Variants in RABEP1 observed in about 807,000 individuals in gnomAD.
RABEP1 encodes rab GTPase-binding effector protein 1.
A neutral mutation model predicts 123.4 loss-of-function variants in RABEP1; 51 were observed. That is an observed-to-expected ratio of 0.41 (90% confidence interval 0.33 to 0.52). RABEP1 has a LOEUF of 0.52. Among genes scored for constraint, RABEP1 ranks in the 20% least tolerant of loss-of-function variants. RABEP1 has a pLI of 0.16. For missense variants in RABEP1, 888 were observed against 996.3 expected, an observed-to-expected ratio of 0.89 and a Z score of 1.46; for synonymous variants, 347 against 355.2, an observed-to-expected ratio of 0.98 and a Z score of 0.26.
intron 1 of RABEP1, among the ~76,000 whole-genome samples, chr17:5,302,441 A>G (rs956652695): frequency 1.3e-5 from 2 of 151,734 alleles, no homozygotes; most frequent in South Asian, 2.1e-4. Flanking sequence ...GGGTTTTGCC[A>G]TATTAGCCAG....
intron 2 of RABEP1, among the ~76,000 whole-genome samples, chr17:5,322,421 A>G (rs535301698): frequency 1.3e-5 from 2 of 152,166 alleles, no homozygotes; most frequent in African/African-American, 4.8e-5. Flanking sequence ...AAAGGGGTCA[A>G]TTCAGCAAGA....
intron 5 of RABEP1, among the ~76,000 whole-genome samples, chr17:5,342,183 G>A (rs921479049): frequency 1.3e-5 from 2 of 151,862 alleles, no homozygotes; most frequent in Non-Finnish European, 2.9e-5. Flanking sequence ...GAAGAATGCA[G>A]TGGTGGAAAA....
chr17:5,328,787 C>G (rs1906223862), intron 2 of RABEP1, among the ~76,000 whole-genome samples: 1 of 149,720 alleles, frequency 6.7e-6, no homozygotes, highest in African/African-American at 2.5e-5. Flanking sequence ...CCTGTCTCTA[C>G]TAAAACTACA....
chr17:5,285,887 G>T (rs1431981851), intron 1 of RABEP1, among the ~76,000 whole-genome samples: 1 of 151,948 alleles, frequency 6.6e-6, no homozygotes, highest in African/African-American at 2.4e-5. Flanking sequence ...CATGTACCAG[G>T]CATGATTTAT....
At chr17:5,357,102 TC>T (rs1909088747) in intron 8 of RABEP1, among the ~76,000 whole-genome samples, 2 of 152,084 alleles carry the variant, frequency 1.3e-5, no homozygotes, top group Admixed American at 6.6e-5. Context: ...GGTCTTGAAC[TC>T]CTGATCTCGT....
chr17:5,373,390 G>A lies in RABEP1; in HGVS notation c.1961G>A (p.Gly654Glu). 6.2e-7 allele frequency: 1 copy of A among 1,613,228 alleles called. No homozygotes were observed. Among genetic ancestry groups the A allele is most frequent in the African/African-American group, 1.3e-5 (1 of 74,766 alleles). ...CAGAAAGATAATGACAGTCTCCAGGGAAAGCACAGCCTGCATGTGTCATTA... is the reference window on the plus strand; with the variant it reads ...CAGAAAGATAATGACAGTCTCCAGGAAAAGCACAGCCTGCATGTGTCATTA... Reference protein sequence around the residue: ...RLQKDNDSLQGKHSLHVSLQQ... With the variant: ...RLQKDNDSLQEKHSLHVSLQQ... The change falls in exon 13 of 18, where the codon GGA becomes GAA. Residue 654 changes from glycine to glutamate, a missense_variant. Coordinates refer to ENST00000537505, the MANE Select transcript of RABEP1 (RefSeq NM_004703.6).
At chr17:5,332,483 G>A (rs560307252) in intron 3 of RABEP1, among the ~76,000 whole-genome samples, 2 of 152,132 alleles carry the variant, frequency 1.3e-5, no homozygotes, top group East Asian at 1.9e-4. Flanking sequence ...TATGGGCACA[G>A]GGAATGTGCT....
At chr17:5,374,013 GTATCTAGTAC>G (rs1910764909) in intron 13 of RABEP1, among the ~76,000 whole-genome samples, 1 of 152,060 alleles carries the variant, frequency 6.6e-6, no homozygotes. Context: ...GTTTGTTTTT[GTATCTAGTAC>G]TTGAAAAGTT....
chr17:5,361,437 T>C lies in RABEP1; in HGVS notation c.1325T>C (p.Leu442Pro), dbSNP rs1909524385. ...CTGGACGAGTCAGATTTTGGACCAC[T>C]GGTAGGAGCAGATTCAGTGTCTGAG... is the stretch of plus-strand genomic sequence containing the variant. The part of the protein sequence containing the change: ...GNLDESDFGP[L>P]VGADSVSENF... The change falls in exon 9 of 18, where the codon CTG (leucine) becomes CCG (proline). Residue 442 changes from leucine (L) to proline (P), a missense_variant. By Grantham distance (98) the Leu-to-Pro change is moderately conservative. Coordinates refer to ENST00000537505, the MANE Select transcript of RABEP1 (RefSeq NM_004703.6). The C allele has an allele frequency of 6.2e-7, 1 of 1,614,162 alleles. No homozygotes were observed. The highest frequency in any genetic ancestry group is 8.5e-7 in the Non-Finnish European group (1 of 1,180,012).
At chr17:5,322,251 G>A (rs1400084533) in intron 2 of RABEP1, among the ~76,000 whole-genome samples, 1 of 152,138 alleles carries the variant, frequency 6.6e-6, no homozygotes, top group East Asian at 1.9e-4. Context: ...CCAGCTACTT[G>A]GGAGGCTGAG....
intron 13 of RABEP1, among the ~76,000 whole-genome samples, chr17:5,374,868 T>C (rs1910859800): frequency 6.6e-6 from 1 of 152,158 alleles, no homozygotes; most frequent in Non-Finnish European, 1.5e-5. Flanking sequence ...GGTCTCCAAC[T>C]CCTGACCTCG....
chr17:5,373,684 C>T (rs1227817592), intron 13 of RABEP1, among the ~76,000 whole-genome samples: 1 of 126,942 alleles, frequency 7.9e-6, no homozygotes, highest in East Asian at 2.1e-4. Flanking sequence ...GACCCGACTA[C>T]ACCAGCTAAA....
rs573355327 is a variant in RABEP1, at chr17:5,294,740, T to C, written c.34+12220T>C. ...TCGGCTCACTGCAAGCTCTGCCTCC[T>C]GGGTTTGCGCCATTCTCTTGCCTCA... is the stretch of plus-strand genomic sequence containing the variant. On this transcript the variant is annotated intron_variant, in intron 1 of 17. Transcript: ENST00000537505. 3.1e-3 allele frequency among the ~76,000 whole-genome samples: 433 copies of C among 141,172 alleles called. 6 individuals carry two copies. Among genetic ancestry groups the C allele is most frequent in the Admixed American group, 0.028 (368 of 13,316 alleles). 92.6% of individuals were successfully genotyped at this position (141,172 alleles called of 152,430 possible). A position where few individuals can be genotyped will look rare whatever the true frequency, so the allele number is the denominator to read the frequency against.
intron 9 of RABEP1, among the ~76,000 whole-genome samples, chr17:5,362,673 CAT>C (rs1294572563): frequency 1.3e-5 from 2 of 152,188 alleles, no homozygotes; most frequent in Admixed American, 6.5e-5. Flanking sequence ...GTTTTCCTCA[CAT>C]GTGATGTTTT....
At chr17:5,370,224 A>G (rs1286296304) in intron 12 of RABEP1, among the ~76,000 whole-genome samples, 2 of 152,134 alleles carry the variant, frequency 1.3e-5, no homozygotes, top group Non-Finnish European at 2.9e-5. Flanking sequence ...GTTTGTAGGT[A>G]TATGATGTGT....
At chr17:5,292,329 C>G (rs913877699) in intron 1 of RABEP1, among the ~76,000 whole-genome samples, 1 of 151,818 alleles carries the variant, frequency 6.6e-6, no homozygotes, top group Non-Finnish European at 1.5e-5. Flanking sequence ...TATATATTGG[C>G]CATTTTTTTG....
At chr17:5,285,717 G>A (rs1404233615) in intron 1 of RABEP1, among the ~76,000 whole-genome samples, 2 of 152,152 alleles carry the variant, frequency 1.3e-5, no homozygotes, top group African/African-American at 4.8e-5. Context: ...GGAAACTGAA[G>A]CACACAGAAG....
chr17:5,294,220 C>T (rs920618154), intron 1 of RABEP1, among the ~76,000 whole-genome samples: 2 of 152,028 alleles, frequency 1.3e-5, no homozygotes, highest in African/African-American at 4.8e-5. Context: ...ACCCTGTCTA[C>T]TAAAAATACA....
intron 1 of RABEP1, among the ~76,000 whole-genome samples, chr17:5,290,576 G>A (rs8075166): frequency 0.61 from 92,959 of 151,876 alleles, 30,136 homozygotes; most frequent in East Asian, 0.96. Context: ...TTAAGTGCAT[G>A]TTAATTTAAA....
Sources: gnomAD v4.1 joint callset for allele counts (sites outside exome capture counted in the v4.1 genomes callset) on GRCh38, gnomAD v4.1.1 for gene constraint, MANE v1.5 for transcripts, NCBI Gene and HGNC (gene_info 2026-07-23, HGNC 2026-07-21) for gene names.